The following SPAG16 variants were observed in gnomAD, a reference collection of about 807,000 sequenced individuals.
SPAG16 encodes the protein sperm associated antigen 16.
A neutral mutation model predicts 80.4 loss-of-function variants in SPAG16; 86 were observed. That is an observed-to-expected ratio of 1.07 (90% confidence interval 0.90 to 1.28). SPAG16 has a LOEUF of 1.28. Ranked by LOEUF, SPAG16 falls within the 50% of genes most tolerant of loss-of-function variation. SPAG16 has a pLI of 0.00. For synonymous variants in SPAG16, 294 were observed against 265.9 expected (o/e 1.11, Z -1.03); for missense variants, 870 against 765.3 (o/e 1.14, Z -1.61).
In SPAG16 at chr2:213,317,250, C is replaced by G. The variant is rs1416889163; in HGVS notation, c.430C>G (p.Leu144Val). 1 of 1,606,588 alleles carries G rather than the reference C, an allele frequency of 6.2e-7. No individual in the cohort carries two copies. The highest frequency in any genetic ancestry group is 1.3e-5 in the African/African-American group (1 of 74,688). The change falls in exon 5 of 16, where the codon CTT becomes GTT. Residue 144 changes from leucine (L) to valine (V), a missense_variant. By Grantham distance (32) the Leu-to-Val change is conservative. Coordinates refer to ENST00000331683, the MANE Select transcript of SPAG16 (RefSeq NM_024532.5). Reference protein sequence around the residue: ...YELIQKGVTELRTVGNVPDVY... With the variant: ...YELIQKGVTEVRTVGNVPDVY... Reference sequence around the variant, plus strand: ...GTTAATACAGAAAGGAGTGACTGAACTTAGAACTGTTGGGAATGTTCCAGA... The same window carrying G: ...GTTAATACAGAAAGGAGTGACTGAAGTTAGAACTGTTGGGAATGTTCCAGA...
At chr2:214,020,089 C>T (rs1014285310) in intron 13 of SPAG16, among the ~76,000 whole-genome samples, 2 of 151,966 alleles carry the variant, frequency 1.3e-5, no homozygotes, top group Non-Finnish European at 2.9e-5. Flanking sequence ...TGGGTGGGTA[C>T]CATTATTATC....
At chr2:213,923,058 G>T (rs974138444) in intron 11 of SPAG16, among the ~76,000 whole-genome samples, 59 of 152,260 alleles carry the variant, frequency 3.9e-4, no homozygotes, top group African/African-American at 1.4e-3. Flanking sequence ...GGTGAGTGGA[G>T]TTGCCTACCC....
intron 9 of SPAG16, among the ~76,000 whole-genome samples, chr2:213,457,820 G>C (rs59862062): frequency 6.6e-6 from 1 of 151,836 alleles, no homozygotes; most frequent in East Asian, 1.9e-4. Context: ...AATGTAATTA[G>C]ATGACATATT....
chr2:214,295,578 C>T (rs138507286), intron 15 of SPAG16, among the ~76,000 whole-genome samples: 2,760 of 152,104 alleles, frequency 0.018, 34 homozygotes, highest in Middle Eastern at 0.031. Flanking sequence ...ATTGCTTTAG[C>T]CAAGGAGTTT....
intron 9 of SPAG16, among the ~76,000 whole-genome samples, chr2:213,379,229 C>G (rs992116561): frequency 2.6e-5 from 4 of 152,176 alleles, no homozygotes; most frequent in African/African-American, 9.7e-5. Context: ...ACTTCCACCC[C>G]TTGGTTCCTG....
chr2:213,957,678 C>T (rs1410909309), intron 12 of SPAG16, among the ~76,000 whole-genome samples: 1 of 152,060 alleles, frequency 6.6e-6, no homozygotes, highest in Non-Finnish European at 1.5e-5. Flanking sequence ...TTATTTCCAG[C>T]ATTACTGTCT....
At chr2:213,755,797 G>A (rs1238518406) in intron 10 of SPAG16, among the ~76,000 whole-genome samples, 1 of 152,098 alleles carries the variant, frequency 6.6e-6, no homozygotes, top group African/African-American at 2.4e-5. Context: ...CAAGAGCACT[G>A]CATGAGATAT....
intron 7 of SPAG16, among the ~76,000 whole-genome samples, chr2:213,359,086 G>A (rs531701598): frequency 3.2e-4 from 48 of 152,182 alleles, no homozygotes; most frequent in Non-Finnish European, 5.7e-4. Flanking sequence ...ACCAGCAGAG[G>A]CTGTAGAACA....
intron 15 of SPAG16, among the ~76,000 whole-genome samples, chr2:214,250,757 T>TAGAGAGAGAGAGAGAGAGAG (rs1171199832): frequency 1.1e-5 from 1 of 91,286 alleles, no homozygotes; most frequent in Non-Finnish European, 2.1e-5. Context: ...TATATATATA[T>TAGAGAGAGAGAGAGAGAGAG]AGAGAGAGAG....
intron 15 of SPAG16, among the ~76,000 whole-genome samples, chr2:214,292,547 C>G (rs571767594): frequency 6.6e-6 from 1 of 151,764 alleles, no homozygotes; most frequent in African/African-American, 2.4e-5. Flanking sequence ...TCATTCATAT[C>G]CTGACTTGTT....
chr2:213,324,214 C>G (rs1325187912), intron 5 of SPAG16, among the ~76,000 whole-genome samples: 1 of 151,870 alleles, frequency 6.6e-6, no homozygotes, highest in African/African-American at 2.4e-5. Flanking sequence ...TTTTGTCATT[C>G]TTATTTCACT....
chr2:214,216,897 GA>G (rs1314527150), intron 15 of SPAG16, among the ~76,000 whole-genome samples: 10 of 152,254 alleles, frequency 6.6e-5, no homozygotes, highest in African/African-American at 2.4e-4. Flanking sequence ...GGCAGATAAT[GA>G]AAATTCTGTA....
intron 10 of SPAG16, among the ~76,000 whole-genome samples, chr2:213,699,020 C>A (rs1228858775): frequency 1.3e-5 from 2 of 152,206 alleles, no homozygotes; most frequent in Admixed American, 1.3e-4. Flanking sequence ...TCTCTAAGTT[C>A]TGTTTCTGCT....
chr2:213,367,250 T>C (rs61322411), intron 8 of SPAG16, among the ~76,000 whole-genome samples: 147,278 of 151,196 alleles, frequency 0.97, 71,842 homozygotes, highest in East Asian at 1. Flanking sequence ...ATAAACATAA[T>C]GTGTGCATGT....
chr2:213,713,522 C>T (rs2066097951), intron 10 of SPAG16, among the ~76,000 whole-genome samples: 1 of 152,104 alleles, frequency 6.6e-6, no homozygotes, highest in South Asian at 2.1e-4. Context: ...GTCACAAGTA[C>T]CCTACAAAAG....
intron 10 of SPAG16, among the ~76,000 whole-genome samples, chr2:213,648,086 A>G (rs1306965167): frequency 6.6e-6 from 1 of 152,212 alleles, no homozygotes; most frequent in Non-Finnish European, 1.5e-5. Flanking sequence ...CTTTGTATTT[A>G]TCTATTCATT....
chr2:213,564,814 A>G (rs1001960908), intron 10 of SPAG16, among the ~76,000 whole-genome samples: 1 of 152,192 alleles, frequency 6.6e-6, no homozygotes, highest in Admixed American at 6.5e-5. Flanking sequence ...TACATGTTGT[A>G]GATTAGGAAA....
intron 15 of SPAG16, among the ~76,000 whole-genome samples, chr2:214,356,211 A>C (rs1159591637): frequency 6.6e-6 from 1 of 151,994 alleles, no homozygotes; most frequent in Admixed American, 6.6e-5. Flanking sequence ...TTAAAAAATG[A>C]GAAAAAAATA....
chr2:213,991,303 T>G (rs1233288646), intron 12 of SPAG16, among the ~76,000 whole-genome samples: 1 of 152,170 alleles, frequency 6.6e-6, no homozygotes, highest in African/African-American at 2.4e-5. Flanking sequence ...GTTTCCAGCT[T>G]CATCCACATT....
Sources: allele counts gnomAD v4.1 joint callset (sites outside exome capture counted in the v4.1 genomes callset), GRCh38; gene constraint gnomAD v4.1.1; transcripts MANE v1.5; gene names NCBI Gene and HGNC (gene_info 2026-07-23, HGNC 2026-07-21).